MYRIP: variants seen among roughly 807,000 people sequenced by gnomAD.
MYRIP encodes rab effector MyRIP.
MYRIP carries 49 observed loss-of-function variants against 98.0 expected under a neutral mutation model. That is an observed-to-expected ratio of 0.50 (90% confidence interval 0.40 to 0.63). MYRIP has a LOEUF of 0.63. Ranked by LOEUF, MYRIP falls within the 30% of genes least tolerant of loss-of-function variation. The pLI is 0.00. For missense variants in MYRIP, 1,004 were observed against 1,058.2 expected (o/e 0.95, Z 0.71); for synonymous variants, 404 against 409.5 (o/e 0.99, Z 0.16).
intron 10 of MYRIP, among the ~76,000 whole-genome samples, chr3:40,195,945 C>A (rs1951375351): frequency 6.6e-6 from 1 of 152,000 alleles, no homozygotes; most frequent in Non-Finnish European, 1.5e-5. Flanking sequence ...CTTCTTAAAT[C>A]CACTTTAGTA....
At chr3:39,966,926 C>T (rs766038124) in intron 2 of MYRIP, among the ~76,000 whole-genome samples, 5 of 152,074 alleles carry the variant, frequency 3.3e-5, no homozygotes, top group Non-Finnish European at 7.3e-5. Flanking sequence ...GAGAGTGGAC[C>T]CAGAAGGGCA....
chr3:40,236,853 T>G (rs747099174), intron 12 of MYRIP, among the ~76,000 whole-genome samples: 11 of 152,078 alleles, frequency 7.2e-5, no homozygotes, highest in Non-Finnish European at 1.5e-4. Context: ...AGTGTTTTTT[T>G]TTTTAAGTAG....
chr3:39,925,018 G>A (rs774912519), intron 2 of MYRIP, among the ~76,000 whole-genome samples: 1 of 151,606 alleles, frequency 6.6e-6, no homozygotes, highest in Non-Finnish European at 1.5e-5. Flanking sequence ...AATAGTCTCA[G>A]ACCAATAATC....
chr3:40,255,722 C>T (rs557510903), intron 16 of MYRIP, among the ~76,000 whole-genome samples: 13 of 152,254 alleles, frequency 8.5e-5, no homozygotes, highest in Non-Finnish European at 1.3e-4. Context: ...TATGGTGCAA[C>T]GGTTGGTGAC....
chr3:39,852,909 T>C (rs1335234605), intron 1 of MYRIP, among the ~76,000 whole-genome samples: 1 of 152,172 alleles, frequency 6.6e-6, no homozygotes, highest in African/African-American at 2.4e-5. Flanking sequence ...GCCACCATAG[T>C]AGCTGGGATT....
rs117869626 is a variant in MYRIP, at chr3:40,079,370, A to G, written c.332+35099A>G. Among the ~76,000 whole-genome samples, 18 of 152,246 alleles carry G rather than the reference A, an allele frequency of 1.2e-4. No homozygotes were observed. In the East Asian group the frequency reaches 3.1e-3, roughly 26 times the overall value. ...CTATATTTCTAACTTTTTAGTGTCT[A>G]GTGGGCCTGTGACCTACACAGTTGT... On this transcript the variant is annotated intron_variant, in intron 3 of 16. Coordinates refer to ENST00000302541, the MANE Select transcript of MYRIP (RefSeq NM_015460.4).
intron 10 of MYRIP, among the ~76,000 whole-genome samples, chr3:40,208,430 C>G (rs1159937898): frequency 6.6e-6 from 1 of 152,208 alleles, no homozygotes; most frequent in East Asian, 1.9e-4. Context: ...CACTTCAACA[C>G]ACATCTGTCT....
At chr3:40,053,184 C>G (rs905495972) in intron 3 of MYRIP, among the ~76,000 whole-genome samples, 4 of 152,160 alleles carry the variant, frequency 2.6e-5, no homozygotes, top group African/African-American at 4.8e-5. Context: ...CCCTTCCCCC[C>G]ATCCCTGCCC....
intron 5 of MYRIP, among the ~76,000 whole-genome samples, chr3:40,163,141 A>G (rs1950432018): frequency 1.3e-5 from 2 of 152,206 alleles, no homozygotes; most frequent in African/African-American, 4.8e-5. Flanking sequence ...TCCTTTAAAG[A>G]ATGTGTCATT....
chr3:40,227,881 A>G (rs1311290168), intron 11 of MYRIP, among the ~76,000 whole-genome samples: 7 of 152,226 alleles, frequency 4.6e-5, no homozygotes, highest in Non-Finnish European at 1.0e-4. Flanking sequence ...GAGCTAGATG[A>G]TGTTATATCC....
chr3:40,258,970 T>G lies in MYRIP; in HGVS notation c.*804T>G, dbSNP rs899950306. ...CATCACTGGCTCAACTTTAGGGCAC[T>G]GTCCAGAGTCAACATGATGTGGTTT... On this transcript the variant is annotated 3_prime_UTR_variant, in exon 17 of 17. Coordinates refer to ENST00000302541, the MANE Select transcript of MYRIP (RefSeq NM_015460.4). 6.6e-6 allele frequency: 1 copy of G among 152,230 alleles called. No individual in the cohort carries two copies. Among genetic ancestry groups the G allele is most frequent in the Non-Finnish European group, 1.5e-5 (1 of 68,050 alleles). The allele number at this position is 152,230 out of a possible 1,614,324, so 9.4% of individuals were successfully genotyped here.
chr3:39,909,743 A>C (rs2125679217), intron 2 of MYRIP, among the ~76,000 whole-genome samples: 1 of 152,296 alleles, frequency 6.6e-6, no homozygotes, highest in East Asian at 1.9e-4. Context: ...ACCCCAAATC[A>C]GGACCTGTGG....
rs150975960 is a variant in MYRIP, at chr3:40,009,684, G to C, written c.111-34366G>C. ...GAATCAGAAACCCCTCACCTTACTG[G>C]GGATGCTATGTGTTAGATAGAGGCT... On this transcript the variant is annotated intron_variant, in intron 2 of 16. Transcript: ENST00000302541. Among the ~76,000 whole-genome samples the C allele has an allele frequency of 6.4e-4, 98 of 152,270 alleles. 1 individual carries two copies. The highest frequency in any genetic ancestry group is 2.3e-3 in the African/African-American group (96 of 41,564).
intron 4 of MYRIP, among the ~76,000 whole-genome samples, chr3:40,156,308 T>C (rs961041765): frequency 2.0e-5 from 3 of 152,206 alleles, no homozygotes; most frequent in Non-Finnish European, 2.9e-5. Flanking sequence ...GTTGTAGATA[T>C]GCGGCATTAT....
intron 2 of MYRIP, among the ~76,000 whole-genome samples, chr3:39,971,927 T>C (rs1391843360): frequency 6.6e-6 from 1 of 152,228 alleles, no homozygotes; most frequent in Admixed American, 6.5e-5. Flanking sequence ...AATTCTAATA[T>C]ATGTACTATT....
chr3:40,008,490 C>G (rs768956693), intron 2 of MYRIP, among the ~76,000 whole-genome samples: 10 of 152,154 alleles, frequency 6.6e-5, no homozygotes, highest in Non-Finnish European at 1.3e-4. Context: ...CTGTAAGTCC[C>G]TGCTTTGTCT....
Position 39,991,726 on chromosome 3 carries a change from C to T in MYRIP, c.111-52324C>T, listed in dbSNP as rs574386145. Among the ~76,000 whole-genome samples the T allele has an allele frequency of 3.8e-4, 58 of 152,290 alleles. 1 individual carries two copies. The South Asian group carries it at 0.011, about 29-fold the overall frequency. On this transcript the variant is annotated intron_variant, in intron 2 of 16. Coordinates refer to ENST00000302541, the MANE Select transcript of MYRIP (RefSeq NM_015460.4). ...ACTCTGACCACCCTATTCAATATTT[C>T]AGTTCCCCAACATAGCAGCACTCCA...
rs1237285062 is a variant in MYRIP, at chr3:40,203,857, T to TTA, written c.1666-5989_1666-5988dup. On this transcript the variant is annotated intron_variant, in intron 10 of 16. Coordinates refer to ENST00000302541, the MANE Select transcript of MYRIP (RefSeq NM_015460.4). ...TATATTTATTTATTTATTTATATTT[T>TTA]TATATATATTTATATATTTATATAT... is the stretch of plus-strand genomic sequence containing the variant. Among the ~76,000 whole-genome samples the TTA allele has an allele frequency of 1.6e-3, 13 of 8,172 alleles. 1 individual carries two copies. The highest frequency in any genetic ancestry group is 4.8e-3 in the African/African-American group (13 of 2,684). The allele number at this position is 8,172 out of a possible 152,430, so 5.4% of individuals were successfully genotyped here. A position where few individuals can be genotyped will look rare whatever the true frequency, so the allele number is the denominator to read the frequency against.
intron 11 of MYRIP, among the ~76,000 whole-genome samples, chr3:40,219,657 A>C (rs866912109): frequency 0.059 from 8,918 of 151,584 alleles, 888 homozygotes; most frequent in African/African-American, 0.2. Context: ...CTACAAAGGA[A>C]ATGAACTCAT....
Sources: allele counts gnomAD v4.1 joint callset (sites outside exome capture counted in the v4.1 genomes callset), GRCh38; gene constraint gnomAD v4.1.1; transcripts MANE v1.5; gene names NCBI Gene and HGNC (gene_info 2026-07-23, HGNC 2026-07-21).